LRRIQ1: variants seen among roughly 807,000 people sequenced by gnomAD.
The protein encoded by LRRIQ1 is leucine-rich repeat- and IQ domain-containing protein 1.
In LRRIQ1, 210 loss-of-function variants were observed where a neutral mutation model predicts 211.9. The observed-to-expected ratio is 0.99, with a 90% confidence interval of 0.89 to 1.11. The LOEUF (loss-of-function observed/expected upper bound fraction) is 1.11, where lower values mean the gene tolerates loss of function less well. LRRIQ1 is among the 50% of genes most tolerant of loss of function. The pLI is 0.00. For missense variants in LRRIQ1, 2,136 were observed against 1,939.5 expected, an observed-to-expected ratio of 1.10 and a Z score of -1.90; for synonymous variants, 699 against 650.1, an observed-to-expected ratio of 1.08 and a Z score of -1.14.
At position 85,047,828 on chromosome 12, in the gene LRRIQ1, G is replaced by A. The variant is rs1879816390; in HGVS notation, c.678+358G>A. The A allele has an allele frequency of 2.1e-5, 4 of 187,194 alleles. No homozygotes were observed. In the Admixed American group the frequency reaches 2.3e-4, roughly 11 times the overall value. 11.6% of individuals were successfully genotyped at this position (187,194 alleles called of 1,614,324 possible). On this transcript the variant is annotated intron_variant, in intron 6 of 26. Transcript: ENST00000393217. Reference sequence around the variant, plus strand: ...CTTGAGTATGCATTAACCTTGCTCTGTGGTCTGGCATATGACATGTAAAAC... The same window carrying A: ...CTTGAGTATGCATTAACCTTGCTCTATGGTCTGGCATATGACATGTAAAAC...
chr12:85,088,169 G>T (rs1199473627), intron 11 of LRRIQ1, among the ~76,000 whole-genome samples: 1 of 152,178 alleles, frequency 6.6e-6, no homozygotes, highest in African/African-American at 2.4e-5. Context: ...CATATGGCTA[G>T]TCAGTTTTCC....
chr12:85,050,536 T>C (rs1880180437), intron 6 of LRRIQ1, among the ~76,000 whole-genome samples: 1 of 152,190 alleles, frequency 6.6e-6, no homozygotes, highest in Non-Finnish European at 1.5e-5. Context: ...TAGTCCAAGA[T>C]AGAAAAATGA....
At chr12:85,038,006 T>C (rs763400168) in intron 1 of LRRIQ1, 147 bp from the exon 2 acceptor site, 5 of 393,786 alleles carry the variant, frequency 1.3e-5, no homozygotes, top group Non-Finnish European at 2.1e-5. Flanking sequence ...ATTGAAGAGA[T>C]AAAACAATGT....
intron 13 of LRRIQ1, among the ~76,000 whole-genome samples, chr12:85,099,777 T>A (rs1389015809): frequency 6.6e-6 from 1 of 151,744 alleles, no homozygotes; most frequent in Admixed American, 6.6e-5. Flanking sequence ...TATATACCTA[T>A]TTTCCCCCAA....
chr12:85,201,284 A>G (rs1257366982), intron 24 of LRRIQ1, among the ~76,000 whole-genome samples: 1 of 137,554 alleles, frequency 7.3e-6, no homozygotes, highest in East Asian at 2.1e-4. Flanking sequence ...AGGTTTTAGT[A>G]TCAGGATGAT....
Position 85,232,754 on chromosome 12 carries a change from G to C in LRRIQ1, c.5014G>C (p.Val1672Leu). ...DVLNGGRVQL[V>L]ARLVSREDTD... Reference sequence around the variant, plus strand: ...ACTTAATGGTGGAAGAGTTCAGCTTGTGGTAAGAAATGTGCTTAAAGTTAC... The same window carrying C: ...ACTTAATGGTGGAAGAGTTCAGCTTCTGGTAAGAAATGTGCTTAAAGTTAC... The change falls in exon 26 of 27, where the codon GTG becomes CTG. Residue 1672 changes from valine (V) to leucine (L), a missense_variant and splice_region_variant. Coordinates refer to ENST00000393217, the MANE Select transcript of LRRIQ1 (RefSeq NM_001079910.2). The C allele has an allele frequency of 2.5e-6, 4 of 1,611,766 alleles. No individual in the cohort carries two copies. Among genetic ancestry groups the C allele is most frequent in the Non-Finnish European group, 3.4e-6 (4 of 1,178,302 alleles).
rs1429719551 is a variant in LRRIQ1, at chr12:85,040,590, C to T, written c.233C>T (p.Thr78Ile). 6.3e-7 allele frequency: 1 copy of T among 1,575,490 alleles called. No homozygotes were observed. Among genetic ancestry groups the T allele is most frequent in the African/African-American group, 1.4e-5 (1 of 73,746 alleles). Reference protein sequence around the residue: ...EELILQDLEDTDILSCSYGAV... With the variant: ...EELILQDLEDIDILSCSYGAV... Reference sequence around the variant, plus strand: ...CTCATTCTTCAGGACCTGGAAGATACTGATATTTTAAGTAAGTACTATTTT... The same window carrying T: ...CTCATTCTTCAGGACCTGGAAGATATTGATATTTTAAGTAAGTACTATTTT... Residue 78 changes from threonine to isoleucine, a missense_variant, in exon 3 of 27, where the codon ACT (threonine) becomes ATT (isoleucine). By Grantham distance (89) the Thr-to-Ile change is moderately conservative (BLOSUM62 -1). Transcript: ENST00000393217.
In LRRIQ1 at chr12:85,047,700, G is replaced by A. The variant is rs1879798377; in HGVS notation, c.678+230G>A. 13 of 404,162 alleles carry A rather than the reference G, an allele frequency of 3.2e-5. No individual in the cohort carries two copies. The South Asian group carries it at 4.1e-4, about 13-fold the overall frequency. 25.0% of individuals were successfully genotyped at this position (404,162 alleles called of 1,614,324 possible). On this transcript the variant is annotated intron_variant, in intron 6 of 26. Transcript: ENST00000393217. ...ACTTCTGATCTTGGGGGCCAATGGA[G>A]TCTATGAATTTCAAGGGTCATCATG...
intron 15 of LRRIQ1, among the ~76,000 whole-genome samples, chr12:85,108,742 A>G (rs1475441852): frequency 6.6e-6 from 1 of 152,052 alleles, no homozygotes; most frequent in Non-Finnish European, 1.5e-5. Flanking sequence ...TGACATTTTT[A>G]TACTGTCATT....
intron 24 of LRRIQ1, among the ~76,000 whole-genome samples, chr12:85,196,884 A>G (rs1449715676): frequency 3.3e-5 from 5 of 152,184 alleles, no homozygotes; most frequent in Non-Finnish European, 5.9e-5. Context: ...ATCAGAGTCA[A>G]CAGGCAACCT....
At chr12:85,254,178 G>T (rs183507112) in intron 1 of LRRIQ1, among the ~76,000 whole-genome samples, 4 of 152,122 alleles carry the variant, frequency 2.6e-5, no homozygotes, top group Admixed American at 2.6e-4. Context: ...AGCTTCTGGG[G>T]AGGCCTCAAG....
chr12:85,176,762 T>A (rs3991871), intron 24 of LRRIQ1, among the ~76,000 whole-genome samples: 90,574 of 151,516 alleles, frequency 0.6, 29,394 homozygotes, highest in African/African-American at 0.87. Context: ...AAAAAAATTT[T>A]AAAAAAAATA....
chr12:85,195,933 T>C (rs1461531500), intron 24 of LRRIQ1, among the ~76,000 whole-genome samples: 1 of 151,660 alleles, frequency 6.6e-6, no homozygotes, highest in African/African-American at 2.4e-5. Flanking sequence ...AACCCCATCG[T>C]CTCAGCCCAA....
chr12:85,074,511 G>C (rs1883432899), intron 11 of LRRIQ1, among the ~76,000 whole-genome samples: 1 of 151,704 alleles, frequency 6.6e-6, no homozygotes, highest in Non-Finnish European at 1.5e-5. Context: ...TCATGCTGTT[G>C]TGCTATCAGA....
chr12:85,044,864 C>T (rs185974865), intron 4 of LRRIQ1, 55 bp downstream of exon 4: 5 of 767,620 alleles, frequency 6.5e-6, no homozygotes, highest in Admixed American at 4.8e-5. Context: ...GAAATTTTCT[C>T]TCTTACACAA....
intron 7 of LRRIQ1, among the ~76,000 whole-genome samples, chr12:85,054,751 T>C (rs978208871): frequency 7.9e-5 from 12 of 151,638 alleles, no homozygotes; most frequent in African/African-American, 2.4e-4. Flanking sequence ...AGGTTATTCC[T>C]GTTTAAATAT....
chr12:85,183,500 T>C (rs1390071328), intron 24 of LRRIQ1, among the ~76,000 whole-genome samples: 2 of 152,140 alleles, frequency 1.3e-5, no homozygotes, highest in Admixed American at 1.3e-4. Context: ...TCCTTGATTT[T>C]TTTTCAGTTT....
At chr12:85,070,485 A>T (rs2136093561) in intron 10 of LRRIQ1, among the ~76,000 whole-genome samples, 1 of 152,110 alleles carries the variant, frequency 6.6e-6, no homozygotes, top group Admixed American at 6.6e-5. Context: ...TAGCAGAATG[A>T]CAGGGCTAAA....
At chr12:85,223,368 A>G (rs1211293653) in intron 24 of LRRIQ1, among the ~76,000 whole-genome samples, 2 of 152,160 alleles carry the variant, frequency 1.3e-5, no homozygotes, top group African/African-American at 4.8e-5. Context: ...TGGTGTCCCA[A>G]AGACCTGCAG....
Sources: allele counts gnomAD v4.1 joint callset (sites outside exome capture counted in the v4.1 genomes callset), GRCh38; gene constraint gnomAD v4.1.1; transcripts MANE v1.5; gene names NCBI Gene and HGNC (gene_info 2026-07-23, HGNC 2026-07-21).